The following TACC2 variants were observed in gnomAD, a reference collection of about 807,000 sequenced individuals.
TACC2 encodes the protein transforming acidic coiled-coil-containing protein 2.
A neutral mutation model predicts 227.3 loss-of-function variants in TACC2; 137 were observed. That is an observed-to-expected ratio of 0.60 (90% CI 0.52 to 0.69). The LOEUF is 0.69. Ranked by LOEUF, TACC2 falls within the 30% of genes least tolerant of loss-of-function variation. TACC2 has a pLI of 0.00. For synonymous variants in TACC2, 1,523 were observed against 1,487.5 expected, an observed-to-expected ratio of 1.02 and a Z score of -0.55; for missense variants, 3,470 against 3,694.4, an observed-to-expected ratio of 0.94 and a Z score of 1.57.
intron 1 of TACC2, among the ~76,000 whole-genome samples, chr10:121,990,496 G>T (rs1194496469): frequency 6.6e-6 from 1 of 151,970 alleles, no homozygotes; most frequent in Non-Finnish European, 1.5e-5. Flanking sequence ...ACGGGGCCAG[G>T]CAGGGCAAAG....
chr10:122,013,683 C>T (rs1011271805), intron 1 of TACC2, among the ~76,000 whole-genome samples: 20 of 152,196 alleles, frequency 1.3e-4, no homozygotes, highest in Non-Finnish European at 2.1e-4. Flanking sequence ...CCCGACTGCC[C>T]GAGCCCTCTG....
At chr10:122,129,060 A>ATTATTATTATTATTATT (rs1555055945) in intron 5 of TACC2, among the ~76,000 whole-genome samples, 1 of 128,554 alleles carries the variant, frequency 7.8e-6, no homozygotes, top group African/African-American at 2.7e-5. Flanking sequence ...ATCTTATTTT[A>ATTATTATTATTATTATT]ATTATTATTA....
intron 5 of TACC2, among the ~76,000 whole-genome samples, chr10:122,105,936 T>TTC (rs371628393): frequency 0.015 from 1,304 of 89,646 alleles, 17 homozygotes; most frequent in East Asian, 0.073. Flanking sequence ...CATAAACATT[T>TTC]TCTCTCTCTG....
chr10:122,108,424 A>G (rs1592101307), intron 5 of TACC2, among the ~76,000 whole-genome samples: 1 of 136,070 alleles, frequency 7.3e-6, no homozygotes, highest in Non-Finnish European at 1.6e-5. Flanking sequence ...GTATATATAT[A>G]TGTGTATGTC....
intron 1 of TACC2, among the ~76,000 whole-genome samples, chr10:122,012,526 T>A (rs1370030321): frequency 2.0e-5 from 3 of 151,540 alleles, no homozygotes; most frequent in Non-Finnish European, 2.9e-5. Flanking sequence ...AGTGCTAGGA[T>A]TACAAGCATG....
intron 2 of TACC2, among the ~76,000 whole-genome samples, chr10:122,031,387 G>A (rs1958932071): frequency 6.8e-6 from 1 of 147,220 alleles, no homozygotes; most frequent in South Asian, 2.1e-4. Flanking sequence ...TCCGGCCAAT[G>A]GTCTAGCCTC....
intron 5 of TACC2, among the ~76,000 whole-genome samples, chr10:122,096,286 C>T (rs1482442028): frequency 4.6e-5 from 7 of 152,190 alleles, no homozygotes; most frequent in Non-Finnish European, 7.3e-5. Context: ...CCTGCGCACC[C>T]GTATCTGAGC....
chr10:122,092,692 A>G (rs915884516), intron 5 of TACC2, among the ~76,000 whole-genome samples: 1 of 152,200 alleles, frequency 6.6e-6, no homozygotes, highest in African/African-American at 2.4e-5. Flanking sequence ...GCCTACCTCC[A>G]GCCACACCTC....
At chr10:122,191,942 T>G (rs1042925595) in intron 7 of TACC2, among the ~76,000 whole-genome samples, 1 of 152,186 alleles carries the variant, frequency 6.6e-6, no homozygotes, top group Non-Finnish European at 1.5e-5. Flanking sequence ...GCCTCCAAAG[T>G]GCTGCTTTAT....
rs57792867 is a variant in TACC2 at position 122,231,098 on chromosome 10, G to T, written c.8127+658G>T. The stretch of plus-strand genomic sequence containing the variant: ...ACAAAAAACGGCAGTGGGCCATTTG[G>T]CCTGTGGAGTTTCCCAATTCCTAGT... On this transcript the variant is annotated intron_variant, in intron 16 of 22. Coordinates refer to ENST00000369005, the MANE Select transcript of TACC2 (RefSeq NM_206862.4). Among the ~76,000 whole-genome samples the T allele has an allele frequency of 2.7e-3, 416 of 152,326 alleles. 3 individuals carry two copies. Among genetic ancestry groups the T allele is most frequent in the African/African-American group, 9.6e-3 (399 of 41,580 alleles).
intron 1 of TACC2, among the ~76,000 whole-genome samples, chr10:122,017,280 A>G (rs1176982980): frequency 1.3e-5 from 2 of 152,112 alleles, no homozygotes; most frequent in African/African-American, 4.8e-5. Flanking sequence ...TGGATTTTAC[A>G]TCACAGCAGC....
At chr10:122,168,582 TC>T in intron 7 of TACC2, among the ~76,000 whole-genome samples, 1 of 152,170 alleles carries the variant, frequency 6.6e-6, no homozygotes, top group South Asian at 2.1e-4. Flanking sequence ...TATTCCGAGG[TC>T]CTCCAGGTAG....
intron 22 of TACC2, among the ~76,000 whole-genome samples, chr10:122,251,633 G>A (rs1029342855): frequency 6.6e-6 from 1 of 152,182 alleles, no homozygotes. Context: ...CCAGAAGTTC[G>A]AGGCTGTAGT....
At chr10:122,232,697 C>T (rs1489875388) in intron 16 of TACC2, among the ~76,000 whole-genome samples, 1 of 152,150 alleles carries the variant, frequency 6.6e-6, no homozygotes, top group East Asian at 1.9e-4. Flanking sequence ...GATGGTGTTC[C>T]TGTAGCTACC....
intron 3 of TACC2, among the ~76,000 whole-genome samples, chr10:122,056,920 A>C (rs2076267691): frequency 6.6e-6 from 1 of 152,214 alleles, no homozygotes; most frequent in South Asian, 2.1e-4. Context: ...GGCTGGGCAC[A>C]GTGACTCATG....
chr10:122,246,812 GGCACGCAC>G (rs1471498460), intron 19 of TACC2: 10 of 152,298 alleles, frequency 6.6e-5, no homozygotes, highest in Non-Finnish European at 1.0e-4. Flanking sequence ...CACCAGCATA[GGCACGCAC>G]GCACACACGT....
At chr10:122,214,030 C>T (rs1026269086) in intron 9 of TACC2, among the ~76,000 whole-genome samples, 4 of 152,132 alleles carry the variant, frequency 2.6e-5, no homozygotes, top group African/African-American at 2.4e-5. Flanking sequence ...AGAAACAGAG[C>T]TGACCATTTC....
chr10:122,153,404 G>A (rs2092246032), intron 7 of TACC2, among the ~76,000 whole-genome samples: 1 of 152,202 alleles, frequency 6.6e-6, no homozygotes, highest in Non-Finnish European at 1.5e-5. Context: ...AACACTGGCC[G>A]AGGCCCCAAG....
At chr10:121,992,291 G>C (rs1026466958) in intron 1 of TACC2, among the ~76,000 whole-genome samples, 1 of 152,218 alleles carries the variant, frequency 6.6e-6, no homozygotes, top group Non-Finnish European at 1.5e-5. Context: ...GTACACAAGA[G>C]AGGTGATGCT....
Sources: gnomAD v4.1 joint callset for allele counts (sites outside exome capture counted in the v4.1 genomes callset) on GRCh38, gnomAD v4.1.1 for gene constraint, MANE v1.5 for transcripts, NCBI Gene and HGNC (gene_info 2026-07-23, HGNC 2026-07-21) for gene names.